Variants in COMMD10 observed in about 807,000 individuals in gnomAD.
COMMD10 encodes the protein COMM domain-containing protein 10.
A neutral mutation model predicts 28.9 loss-of-function variants in COMMD10; 33 were observed. That is an observed-to-expected ratio of 1.14 (90% CI 0.87 to 1.53). The LOEUF (loss-of-function observed/expected upper bound fraction) is 1.53. COMMD10 is among the 40% of genes most tolerant of loss of function. The probability of loss-of-function intolerance (pLI) is 0.00; values close to 1 mark genes in which losing one functional copy is unlikely to be tolerated. For synonymous variants in COMMD10, 110 were observed against 81.7 expected (o/e 1.35, Z -1.87); for missense variants, 310 against 233.4 (o/e 1.33, Z -2.14).
intron 5 of COMMD10, among the ~76,000 whole-genome samples, chr5:116,197,948 A>G (rs62384234): frequency 0.31 from 47,444 of 152,048 alleles, 10,205 homozygotes; most frequent in African/African-American, 0.62. Context: ...TGCTTTCCTT[A>G]TGGTTATTAC....
chr5:116,150,767 TG>T (rs1486190137), intron 5 of COMMD10, among the ~76,000 whole-genome samples: 1 of 118,038 alleles, frequency 8.5e-6, no homozygotes, highest in African/African-American at 3.0e-5. Flanking sequence ...GCTGAGACAG[TG>T]GGGTTTTCTA....
intron 5 of COMMD10, among the ~76,000 whole-genome samples, chr5:116,266,042 G>C (rs978135076): frequency 6.6e-6 from 1 of 151,644 alleles, no homozygotes; most frequent in African/African-American, 2.4e-5. Context: ...TATTTCTTTT[G>C]GGAGGTGGGG....
intron 4 of COMMD10, among the ~76,000 whole-genome samples, chr5:116,106,604 A>G (rs1216198210): frequency 6.6e-6 from 1 of 152,054 alleles, no homozygotes; most frequent in African/African-American, 2.4e-5. Context: ...TCTCACTATT[A>G]TTGTGTGGTA....
chr5:116,259,584 A>T (rs1337654378), intron 5 of COMMD10, among the ~76,000 whole-genome samples: 1 of 151,034 alleles, frequency 6.6e-6, no homozygotes, highest in African/African-American at 2.4e-5. Flanking sequence ...TAGGCTGAAC[A>T]GTCTTGGTGG....
chr5:116,231,799 A>G (rs149783695), intron 5 of COMMD10, among the ~76,000 whole-genome samples: 73 of 152,298 alleles, frequency 4.8e-4, no homozygotes, highest in African/African-American at 1.7e-3. Context: ...TAATTGGGAA[A>G]TAACAGTTGA....
chr5:116,208,315 AC>A (rs1748869887), intron 5 of COMMD10, among the ~76,000 whole-genome samples: 1 of 151,876 alleles, frequency 6.6e-6, no homozygotes, highest in Non-Finnish European at 1.5e-5. Context: ...CCTTTGGAAT[AC>A]CCTCTGTTCA....
chr5:116,231,388 C>G (rs1250824059), intron 5 of COMMD10, among the ~76,000 whole-genome samples: 2 of 152,060 alleles, frequency 1.3e-5, no homozygotes, highest in Non-Finnish European at 2.9e-5. Flanking sequence ...GAACAGTTAG[C>G]AGTAGTTAAC....
At chr5:116,245,301 A>AACTGGATC (rs1749912747) in intron 5 of COMMD10, among the ~76,000 whole-genome samples, 1 of 152,092 alleles carries the variant, frequency 6.6e-6, no homozygotes, top group South Asian at 2.1e-4. Flanking sequence ...ACCAGGAAGA[A>AACTGGATC]ACTGGATCTC....
Position 116,092,606 on chromosome 5 carries a change from G to A in COMMD10, c.305G>A (p.Arg102Lys). 1 of 1,612,462 alleles carries A rather than the reference G, an allele frequency of 6.2e-7. No individual in the cohort carries two copies. Among genetic ancestry groups the A allele is most frequent in the Non-Finnish European group, 8.5e-7 (1 of 1,179,210 alleles). Residue 102 changes from arginine (R) to lysine (K), a missense_variant, in exon 4 of 7, where the codon AGA becomes AAA. Arg to Lys is a conservative substitution (Grantham distance 26). Coordinates refer to ENST00000274458, the MANE Select transcript of COMMD10 (RefSeq NM_016144.4). Reference protein sequence around the residue: ...LQQQLENIHLRQDKAEAFVNT... With the variant: ...LQQQLENIHLKQDKAEAFVNT... ...CAGCAATTAGAGAACATTCATCTTA[G>A]ACAAGACAAAGCTGAAGCATTTGTC...
intron 5 of COMMD10, among the ~76,000 whole-genome samples, chr5:116,264,787 A>C (rs1328313187): frequency 1.3e-5 from 2 of 151,854 alleles, no homozygotes; most frequent in East Asian, 3.9e-4. Flanking sequence ...TGAAAAATAG[A>C]TGTCATGTAA....
chr5:116,116,220 A>C (rs1292549964), intron 4 of COMMD10, among the ~76,000 whole-genome samples: 1 of 152,178 alleles, frequency 6.6e-6, no homozygotes. Context: ...TATTGTTAAC[A>C]ACTAGTTGTT....
intron 5 of COMMD10, among the ~76,000 whole-genome samples, chr5:116,275,205 C>T (rs933612740): frequency 1.3e-5 from 2 of 151,774 alleles, no homozygotes; most frequent in Non-Finnish European, 2.9e-5. Flanking sequence ...GGATGTACCT[C>T]CAAAATAGCT....
intron 4 of COMMD10, among the ~76,000 whole-genome samples, chr5:116,122,398 T>C (rs1459485618): frequency 6.6e-6 from 1 of 152,260 alleles, no homozygotes; most frequent in African/African-American, 2.4e-5. Flanking sequence ...TGTAGTATAG[T>C]TTGAAGTCCG....
At chr5:116,121,728 C>T (rs1290077780) in intron 4 of COMMD10, among the ~76,000 whole-genome samples, 1 of 152,184 alleles carries the variant, frequency 6.6e-6, no homozygotes, top group East Asian at 1.9e-4. Flanking sequence ...TCTCTGATGG[C>T]CAGTGATGAT....
At chr5:116,209,657 T>C (rs1580550515) in intron 5 of COMMD10, among the ~76,000 whole-genome samples, 1 of 152,156 alleles carries the variant, frequency 6.6e-6, no homozygotes, top group African/African-American at 2.4e-5. Context: ...TAAAATTCAA[T>C]AGCGGTTAGT....
chr5:116,145,902 A>G (rs189032660), intron 5 of COMMD10, among the ~76,000 whole-genome samples: 177 of 152,068 alleles, frequency 1.2e-3, no homozygotes, highest in Middle Eastern at 3.4e-3. Flanking sequence ...AGCCATGCTG[A>G]ACTAAACTGT....
In COMMD10 at chr5:116,163,423, TA is replaced by T. The variant is rs58449487; in HGVS notation, c.510+29265del. The stretch of plus-strand genomic sequence containing the variant: ...AACATGGTGAAACCCCACCTCTACT[TA>T]AAAAAAAAAAAAAAAAAAAGCCAGG... On this transcript the variant is annotated intron_variant, in intron 5 of 6. Coordinates refer to ENST00000274458, the MANE Select transcript of COMMD10 (RefSeq NM_016144.4). Among the ~76,000 whole-genome samples the T allele has an allele frequency of 2.4e-3, 221 of 92,524 alleles. 2 individuals are homozygous for T. Among genetic ancestry groups the T allele is most frequent in the Middle Eastern group, 0.011 (2 of 182 alleles). The allele number at this position is 92,524 out of a possible 152,430, so 60.7% of individuals were successfully genotyped here.
chr5:116,197,451 G>A (rs1748557254), intron 5 of COMMD10, among the ~76,000 whole-genome samples: 1 of 151,990 alleles, frequency 6.6e-6, no homozygotes, highest in Non-Finnish European at 1.5e-5. Flanking sequence ...GTGTGATCTT[G>A]GCTCACTGCA....
In COMMD10 at chr5:116,092,667, A is replaced by G; in HGVS notation, c.366A>G (p.Glu122=). 6.2e-7 allele frequency: 1 copy of G among 1,609,224 alleles called. No homozygotes were observed. Among genetic ancestry groups the G allele is most frequent in the Admixed American group, 1.7e-5 (1 of 59,294 alleles). ...TWSSMGQETV[E]KFRQRILAPC... is the part of the protein sequence containing the mutation. ...CTTCTATGGGTCAAGAAACAGTTGA[A>G]AAGTTCCGGCAGAGAATTCTGGCTC... Residue 122 remains glutamate (E), a synonymous_variant, in exon 4 of 7, where the codon GAA becomes GAG. Transcript: ENST00000274458.
Sources: gnomAD v4.1 joint callset for allele counts (sites outside exome capture counted in the v4.1 genomes callset) on GRCh38, gnomAD v4.1.1 for gene constraint, MANE v1.5 for transcripts, NCBI Gene and HGNC (gene_info 2026-07-23, HGNC 2026-07-21) for gene names.